Variants in OSBPL8 observed in about 807,000 individuals in gnomAD.
OSBPL8 encodes oxysterol-binding protein-related protein 8.
A neutral mutation model predicts 125.5 loss-of-function variants in OSBPL8; 59 were observed. The observed-to-expected ratio is 0.47, with a 90% CI of 0.38 to 0.58. The LOEUF (loss-of-function observed/expected upper bound fraction) is 0.58. Among genes scored for constraint, OSBPL8 ranks in the 20% least tolerant of loss-of-function variants. The pLI, the probability that OSBPL8 is intolerant of heterozygous loss-of-function variation, is 0.00. For missense variants in OSBPL8, 758 were observed against 1,047.8 expected, an observed-to-expected ratio of 0.72 and a Z score of 3.82; for synonymous variants, 330 against 338.9, an observed-to-expected ratio of 0.97 and a Z score of 0.29.
chr12:76,476,928 A>T (rs574333793), intron 2 of OSBPL8, among the ~76,000 whole-genome samples: 3 of 152,368 alleles, frequency 2.0e-5, no homozygotes, highest in Middle Eastern at 6.8e-3. Flanking sequence ...CATTCAACAA[A>T]TATCTGTTAA....
intron 21 of OSBPL8, 61 bp downstream of exon 21, chr12:76,369,153 T>C: frequency 6.4e-7 from 1 of 1,565,746 alleles, no homozygotes; most frequent in Non-Finnish European, 8.6e-7. Flanking sequence ...AGTTGGTTGC[T>C]ATAGATACTA....
At chr12:76,526,943 C>A (rs1248374510) in intron 1 of OSBPL8, among the ~76,000 whole-genome samples, 2 of 151,834 alleles carry the variant, frequency 1.3e-5, no homozygotes. Flanking sequence ...AGCCACCATG[C>A]CTGGCCAGTA....
At chr12:76,556,469 A>AAGAT (rs60514481) in intron 1 of OSBPL8, among the ~76,000 whole-genome samples, 120,501 of 151,474 alleles carry the variant, frequency 0.8, 48,153 homozygotes, top group East Asian at 0.92. Flanking sequence ...GGTGGGAAGA[A>AAGAT]AGATCTAAAA....
chr12:76,485,709 A>G (rs1301058334), intron 2 of OSBPL8, among the ~76,000 whole-genome samples: 2 of 152,224 alleles, frequency 1.3e-5, no homozygotes, highest in African/African-American at 4.8e-5. Flanking sequence ...AGAGACAGAC[A>G]GATTTCAGTT....
At chr12:76,375,773 G>A (rs1163933204) in intron 16 of OSBPL8, among the ~76,000 whole-genome samples, 1 of 151,090 alleles carries the variant, frequency 6.6e-6, no homozygotes, top group African/African-American at 2.4e-5. Flanking sequence ...TTTTTGCAGT[G>A]TATTTAGTAT....
Position 76,378,542 on chromosome 12 carries a change from A to G in OSBPL8, c.1639T>C (p.Leu547=). The part of the protein sequence containing the change: ...LAKSKFYGNS[L]SAILEGEARL... ...GCTTCTCCCTCTAATATTGCAGATA[A>G]TGAGTTTCCTGAAATAAAATGTTGT... The change falls in exon 16 of 24, where the codon TTA becomes CTA. Residue 547 remains leucine (L), a synonymous_variant. Transcript: ENST00000261183. 2 of 1,585,554 alleles carry G rather than the reference A, an allele frequency of 1.3e-6. No individual in the cohort carries two copies. Among genetic ancestry groups the G allele is most frequent in the South Asian group, 1.1e-5 (1 of 87,574 alleles).
intron 4 of OSBPL8, among the ~76,000 whole-genome samples, chr12:76,449,595 C>G (rs1349018257): frequency 6.6e-6 from 1 of 152,166 alleles, no homozygotes; most frequent in Non-Finnish European, 1.5e-5. Flanking sequence ...GACAGTTTCA[C>G]TTACAGATGT....
chr12:76,530,645 A>C (rs1950311006), intron 1 of OSBPL8, among the ~76,000 whole-genome samples: 1 of 152,074 alleles, frequency 6.6e-6, no homozygotes, highest in Non-Finnish European at 1.5e-5. Context: ...AGCGCTCCAT[A>C]AGCAGTTTGT....
At position 76,386,237 on chromosome 12, in the gene OSBPL8, A is replaced by T; in HGVS notation, c.1464T>A (p.Leu488=). ...KGLKKPYNPI[L]GETFRCLWIH... The stretch of plus-strand genomic sequence containing the variant: ...TCCATAAACAACGGAAAGTCTCGCC[A>T]AGTATAGGATTATAAGGTTTCTTCA... Residue 488 remains leucine, a synonymous_variant, in exon 14 of 24, where the codon CTT becomes CTA. Coordinates refer to ENST00000261183, the MANE Select transcript of OSBPL8 (RefSeq NM_020841.5). 6.2e-7 allele frequency: 1 copy of T among 1,611,586 alleles called. No individual in the cohort carries two copies. Among genetic ancestry groups the T allele is most frequent in the Middle Eastern group, 1.7e-4 (1 of 6,040 alleles).
rs1953000315 is a variant in OSBPL8, at chr12:76,380,535, A to AAAAC, written c.1631-1986_1631-1985insGTTT. Among the ~76,000 whole-genome samples, 7 of 151,008 alleles carry AAAAC rather than the reference A, an allele frequency of 4.6e-5. No homozygotes were observed. The South Asian group carries it at 1.5e-3, about 31-fold the overall frequency. ...CATAGTGAGACACTGTCCCAAAAAA[A>AAAAC]AAAAAAAAAAAACCCTCTGCAAGTA... On this transcript the variant is annotated intron_variant, in intron 15 of 23. Transcript: ENST00000261183.
intron 2 of OSBPL8, among the ~76,000 whole-genome samples, chr12:76,463,337 T>C (rs1365070227): frequency 2.0e-5 from 3 of 152,198 alleles, no homozygotes; most frequent in Non-Finnish European, 4.4e-5. Flanking sequence ...GATGGGACTT[T>C]CATTATCTGA....
chr12:76,546,447 T>A (rs773768301), intron 1 of OSBPL8, among the ~76,000 whole-genome samples: 11 of 152,140 alleles, frequency 7.2e-5, no homozygotes, highest in Non-Finnish European at 5.9e-5. Context: ...TCCCAAATAA[T>A]CAAATATTAT....
At chr12:76,378,025 G>T (rs1952895069) in intron 16 of OSBPL8, among the ~76,000 whole-genome samples, 1 of 152,092 alleles carries the variant, frequency 6.6e-6, no homozygotes, top group Admixed American at 6.6e-5. Context: ...AATACATTAA[G>T]AAATTGCCAA....
At chr12:76,474,297 T>C (rs1294896948) in intron 2 of OSBPL8, among the ~76,000 whole-genome samples, 1 of 152,154 alleles carries the variant, frequency 6.6e-6, no homozygotes, top group Admixed American at 6.5e-5. Context: ...TACCTCAACT[T>C]AGTAGGTTTT....
At chr12:76,540,532 A>G (rs1250913218) in intron 1 of OSBPL8, among the ~76,000 whole-genome samples, 1 of 151,466 alleles carries the variant, frequency 6.6e-6, no homozygotes, top group Admixed American at 6.6e-5. Flanking sequence ...GTGTGTACAG[A>G]GAGAGAAATC....
At chr12:76,518,208 G>A (rs973348478) in intron 1 of OSBPL8, among the ~76,000 whole-genome samples, 5 of 152,148 alleles carry the variant, frequency 3.3e-5, no homozygotes, top group Admixed American at 3.3e-4. Context: ...GGTGGTTCAG[G>A]TATTAATCAG....
chr12:76,424,744 T>C (rs1869940384), intron 4 of OSBPL8, among the ~76,000 whole-genome samples: 1 of 152,152 alleles, frequency 6.6e-6, no homozygotes, highest in African/African-American at 2.4e-5. Flanking sequence ...CACAAAGTCT[T>C]AAAAGAGTCT....
At chr12:76,522,436 G>C (rs1882151649) in intron 1 of OSBPL8, among the ~76,000 whole-genome samples, 1 of 152,094 alleles carries the variant, frequency 6.6e-6, no homozygotes, top group Non-Finnish European at 1.5e-5. Context: ...GAGGTGTTAG[G>C]ATCATGGGGG....
chr12:76,402,647 A>C, intron 6 of OSBPL8, 42 bp downstream of exon 6: 2 of 1,396,368 alleles, frequency 1.4e-6, no homozygotes, highest in Non-Finnish European at 2.0e-6. Context: ...ACACATGCAA[A>C]GCACAATGTA....
Sources: allele counts gnomAD v4.1 joint callset (sites outside exome capture counted in the v4.1 genomes callset), GRCh38; gene constraint gnomAD v4.1.1; transcripts MANE v1.5; gene names NCBI Gene and HGNC (gene_info 2026-07-23, HGNC 2026-07-21).